The following NBAS variants were observed in gnomAD, a reference collection of about 807,000 sequenced individuals.
The protein encoded by NBAS is NAG/BC035112 fusion.
In NBAS, 219 loss-of-function variants were observed where a neutral mutation model predicts 302.5. The observed-to-expected ratio is 0.72, with a 90% CI of 0.65 to 0.81. NBAS has a LOEUF of 0.81. Ranked by LOEUF, NBAS falls within the 30% of genes least tolerant of loss-of-function variation. NBAS has a pLI of 0.00. For missense variants in NBAS, 2,932 were observed against 2,841.6 expected (o/e 1.03, Z -0.72); for synonymous variants, 1,118 against 1,021.6 (o/e 1.09, Z -1.80).
At chr2:15,461,069 T>G (rs1349972000) in intron 21 of NBAS, 132 bp downstream of exon 21, 7 of 888,246 alleles carry the variant, frequency 7.9e-6, no homozygotes, top group Non-Finnish European at 1.2e-5. Context: ...TACAATAACT[T>G]AATTTTTTAT....
the NBAS span, among the ~76,000 whole-genome samples, chr2:14,997,713 C>A: frequency 6.6e-6 from 1 of 152,026 alleles, no homozygotes; most frequent in Non-Finnish European, 1.5e-5. Flanking sequence ...GTATTAGAGC[C>A]CCAGAGCTCA....
rs139469190 is a variant in NBAS, at chr2:15,345,410, A to G, written c.4179+6582T>C. ...GAATAAACTTCCATTCATAATTGCT[A>G]CAAAGAGAATAAAATACCTAGGATA... On this transcript the variant is annotated intron_variant, in intron 35 of 51. Coordinates refer to ENST00000281513, the MANE Select transcript of NBAS (RefSeq NM_015909.4). 7.0e-4 allele frequency among the ~76,000 whole-genome samples: 106 copies of G among 152,260 alleles called. 2 individuals are homozygous for G. In the East Asian group the frequency reaches 0.019, roughly 28 times the overall value.
chr2:15,284,416 T>TTTGA (rs1381423729), intron 42 of NBAS, among the ~76,000 whole-genome samples: 1 of 152,190 alleles, frequency 6.6e-6, no homozygotes, highest in Non-Finnish European at 1.5e-5. Flanking sequence ...ATAGGATTTG[T>TTTGA]TTGATCTAGC....
chr2:14,787,143 C>A, the NBAS span, among the ~76,000 whole-genome samples: 1 of 152,050 alleles, frequency 6.6e-6, no homozygotes. Context: ...AGGATTGCAA[C>A]CCCTGCTTTT....
rs745946582 is a variant in NBAS at position 15,424,298 on chromosome 2, C to T, written c.2577+17G>A. 1 of 1,613,884 alleles carries T rather than the reference C, an allele frequency of 6.2e-7. No homozygotes were observed. Reference sequence around the variant, plus strand: ...TTCCACTAACATTACTGAGCAGCAGCTGCCATTTCCCCTCACCTGCCGAGC... The same window carrying T: ...TTCCACTAACATTACTGAGCAGCAGTTGCCATTTCCCCTCACCTGCCGAGC... On this transcript the variant is annotated intron_variant, in intron 23 of 51. Transcript: ENST00000281513.
chr2:15,316,319 G>T (rs921571077), intron 38 of NBAS, among the ~76,000 whole-genome samples: 1 of 152,204 alleles, frequency 6.6e-6, no homozygotes, highest in East Asian at 1.9e-4. Context: ...CAGAACACAG[G>T]TGATTTCTGC....
chr2:15,209,269 A>G (rs72776621), intron 48 of NBAS, among the ~76,000 whole-genome samples: 1 of 152,102 alleles, frequency 6.6e-6, no homozygotes, highest in Non-Finnish European at 1.5e-5. Context: ...AAACCTGAAC[A>G]GACCAATAAC....
the NBAS span, among the ~76,000 whole-genome samples, chr2:15,081,824 G>C: frequency 6.6e-6 from 1 of 152,190 alleles, no homozygotes; most frequent in Non-Finnish European, 1.5e-5. Context: ...GCTGCTGCCT[G>C]GAAGGATGGC....
chr2:14,829,704 T>C, the NBAS span, among the ~76,000 whole-genome samples: 4 of 152,232 alleles, frequency 2.6e-5, no homozygotes, highest in Non-Finnish European at 4.4e-5. Context: ...CTGGAGCAAA[T>C]AGGCAAGGCT....
At chr2:15,301,664 A>G (rs1374913746) in intron 40 of NBAS, among the ~76,000 whole-genome samples, 1 of 152,236 alleles carries the variant, frequency 6.6e-6, no homozygotes, top group East Asian at 1.9e-4. Flanking sequence ...AGTAAGATGA[A>G]AAGTATTTAC....
chr2:14,839,640 T>G, the NBAS span, among the ~76,000 whole-genome samples: 4 of 151,848 alleles, frequency 2.6e-5, no homozygotes, highest in African/African-American at 4.8e-5. Context: ...CTTTTGAATC[T>G]CCCCCATTTG....
chr2:15,369,160 G>A (rs1278888516), intron 31 of NBAS, among the ~76,000 whole-genome samples: 1 of 152,090 alleles, frequency 6.6e-6, no homozygotes, highest in Non-Finnish European at 1.5e-5. Flanking sequence ...GATATTATCT[G>A]CATTCCACAT....
At chr2:15,515,437 C>A (rs1017204700) in intron 9 of NBAS, among the ~76,000 whole-genome samples, 1 of 152,170 alleles carries the variant, frequency 6.6e-6, no homozygotes, top group Non-Finnish European at 1.5e-5. Flanking sequence ...CCTGTAGTCC[C>A]AGCTACCTGG....
intron 21 of NBAS, among the ~76,000 whole-genome samples, chr2:15,443,639 G>T (rs1174573736): frequency 6.6e-6 from 1 of 150,820 alleles, no homozygotes; most frequent in African/African-American, 2.4e-5. Context: ...CATAGTGTTG[G>T]AAGTTCTGGC....
At chr2:15,424,243 C>T (rs1558325222) in intron 23 of NBAS, 72 bp downstream of exon 23, 7 of 1,554,056 alleles carry the variant, frequency 4.5e-6, no homozygotes, top group Admixed American at 3.3e-5. Flanking sequence ...GCCCCGACTC[C>T]GTGTACTGAA....
the NBAS span, among the ~76,000 whole-genome samples, chr2:15,034,321 AAGGCAGGC>A: frequency 4.7e-5 from 7 of 148,070 alleles, no homozygotes; most frequent in African/African-American, 1.7e-4. Context: ...AGAGGGAAGG[AAGGCAGGC>A]AGGCAGGCAA....
chr2:15,069,244 C>T, the NBAS span, among the ~76,000 whole-genome samples: 35 of 152,312 alleles, frequency 2.3e-4, 1 homozygote, highest in South Asian at 6.8e-3. Flanking sequence ...ACACACACTT[C>T]GCCTCTTTAA....
chr2:15,501,060 G>A (rs1194263714), intron 11 of NBAS, among the ~76,000 whole-genome samples: 3 of 152,108 alleles, frequency 2.0e-5, no homozygotes, highest in East Asian at 1.9e-4. Flanking sequence ...CCAGCACTTC[G>A]GGAGGCCGAG....
intron 38 of NBAS, 126 bp from the exon 39 acceptor site, chr2:15,309,373 G>A (rs1671177166): frequency 1.6e-5 from 12 of 739,204 alleles, no homozygotes; most frequent in South Asian, 1.1e-4. Flanking sequence ...TTTAGGAAAG[G>A]CTGTTCAGCA....
Sources: gnomAD v4.1 joint callset for allele counts (sites outside exome capture counted in the v4.1 genomes callset) on GRCh38, gnomAD v4.1.1 for gene constraint, MANE v1.5 for transcripts, NCBI Gene and HGNC (gene_info 2026-07-23, HGNC 2026-07-21) for gene names.